Variants in XKR9 observed in about 807,000 individuals in gnomAD.
The protein encoded by XKR9 is XK-related protein 9.
A neutral mutation model predicts 32.0 loss-of-function variants in XKR9; 32 were observed. The observed-to-expected ratio is 1.00, with a 90% CI of 0.76 to 1.34. XKR9 has a LOEUF of 1.34. Ranked by LOEUF, XKR9 falls within the 40% of genes most tolerant of loss-of-function variation. The pLI is 0.00. For missense variants in XKR9, 546 were observed against 429.7 expected, an observed-to-expected ratio of 1.27 and a Z score of -2.39; for synonymous variants, 168 against 143.4, an observed-to-expected ratio of 1.17 and a Z score of -1.22.
the XKR9 span, among the ~76,000 whole-genome samples, chr8:70,990,325 G>C: frequency 6.6e-6 from 1 of 152,100 alleles, no homozygotes; most frequent in East Asian, 1.9e-4. Context: ...TCACATCCCA[G>C]GACTGCTCCC....
chr8:70,885,439 G>A, the XKR9 span, among the ~76,000 whole-genome samples: 978 of 152,222 alleles, frequency 6.4e-3, 19 homozygotes, highest in African/African-American at 0.022. Context: ...TGGGATACAT[G>A]TGCTGAAAGT....
the XKR9 span, among the ~76,000 whole-genome samples, chr8:70,913,072 G>C: frequency 2.0e-5 from 3 of 152,108 alleles, no homozygotes; most frequent in Admixed American, 6.6e-5. Flanking sequence ...GTTTTCCAAG[G>C]ATTAATGGAA....
At chr8:71,063,532 GA>G in the XKR9 span, among the ~76,000 whole-genome samples, 3 of 149,446 alleles carry the variant, frequency 2.0e-5, no homozygotes, top group South Asian at 4.2e-4. Flanking sequence ...TCATCTTGGG[GA>G]AAAAAATTCA....
the XKR9 span, among the ~76,000 whole-genome samples, chr8:70,810,629 G>A: frequency 6.6e-6 from 1 of 152,018 alleles, no homozygotes; most frequent in South Asian, 2.1e-4. Context: ...AAAAAGGCAG[G>A]GGTTGTAATC....
the XKR9 span, among the ~76,000 whole-genome samples, chr8:70,858,070 C>T: frequency 4.1e-4 from 63 of 152,254 alleles, no homozygotes; most frequent in African/African-American, 1.4e-3. Context: ...CAGGGATGCC[C>T]TCTCTCACCA....
At chr8:70,700,953 A>G (rs998717326) in intron 3 of XKR9, among the ~76,000 whole-genome samples, 7 of 152,184 alleles carry the variant, frequency 4.6e-5, no homozygotes. Context: ...TGTGCTAGCA[A>G]TCAGCGAGAC....
chr8:70,699,189 G>T (rs1300408343), intron 3 of XKR9, among the ~76,000 whole-genome samples: 1 of 152,156 alleles, frequency 6.6e-6, no homozygotes. Flanking sequence ...TACGTTTAAA[G>T]TTAATATTGT....
downstream of XKR9, among the ~76,000 whole-genome samples, chr8:70,736,630 G>C (rs559059896): frequency 6.6e-6 from 1 of 152,024 alleles, no homozygotes; most frequent in African/African-American, 2.4e-5. Context: ...AATCCATCTT[G>C]AATTAACTTT....
chr8:70,764,384 G>A (rs565129437), intron 2 of XKR9, among the ~76,000 whole-genome samples: 1 of 152,188 alleles, frequency 6.6e-6, no homozygotes, highest in African/African-American at 2.4e-5. Context: ...CTTCAGCTTG[G>A]AGAGGGTAGG....
At chr8:70,823,319 T>C in the XKR9 span, among the ~76,000 whole-genome samples, 4 of 152,224 alleles carry the variant, frequency 2.6e-5, no homozygotes, top group Non-Finnish European at 5.9e-5. Flanking sequence ...CAAGATTTTA[T>C]AGCTATGGCT....
At chr8:70,848,839 A>G in the XKR9 span, among the ~76,000 whole-genome samples, 2 of 151,998 alleles carry the variant, frequency 1.3e-5, no homozygotes, top group African/African-American at 4.8e-5. Context: ...AACAAAAACC[A>G]AAAAACACAA....
At chr8:70,719,026 G>A (rs147633584) in intron 4 of XKR9, among the ~76,000 whole-genome samples, 92 of 152,162 alleles carry the variant, frequency 6.0e-4, no homozygotes, top group African/African-American at 2.1e-3. Context: ...GTGTGAGTTG[G>A]TATCTCATTG....
the XKR9 span, among the ~76,000 whole-genome samples, chr8:70,804,303 A>T: frequency 6.6e-6 from 1 of 152,256 alleles, no homozygotes; most frequent in African/African-American, 2.4e-5. Context: ...CCTTCCACTG[A>T]GTTCACAGAG....
chr8:70,719,287 G>A (rs1563446039), intron 4 of XKR9, among the ~76,000 whole-genome samples: 1 of 152,004 alleles, frequency 6.6e-6, no homozygotes, highest in South Asian at 2.1e-4. Context: ...TTCTTTTGCT[G>A]TGCAGAGCCT....
chr8:70,928,360 A>G, the XKR9 span, among the ~76,000 whole-genome samples: 7 of 152,092 alleles, frequency 4.6e-5, no homozygotes, highest in African/African-American at 1.2e-4. Flanking sequence ...CCAGGTTTTT[A>G]TTAGGACATT....
At chr8:71,036,124 T>G in the XKR9 span, among the ~76,000 whole-genome samples, 1 of 152,334 alleles carries the variant, frequency 6.6e-6, no homozygotes, top group South Asian at 2.1e-4. Flanking sequence ...CCATGTAAAC[T>G]TATATGAAAT....
At chr8:70,744,956 G>T (rs1372725964) in intron 2 of XKR9, among the ~76,000 whole-genome samples, 1 of 150,190 alleles carries the variant, frequency 6.7e-6, no homozygotes, top group Non-Finnish European at 1.5e-5. Context: ...TAGCCTAAAT[G>T]TTTTTCAGCT....
the XKR9 span, among the ~76,000 whole-genome samples, chr8:70,893,628 C>T: frequency 6.6e-6 from 1 of 152,204 alleles, no homozygotes; most frequent in Non-Finnish European, 1.5e-5. Context: ...TTTGCAATAA[C>T]TGTGGGTCCC....
At chr8:70,884,189 A>G in the XKR9 span, among the ~76,000 whole-genome samples, 1 of 152,048 alleles carries the variant, frequency 6.6e-6, no homozygotes, top group African/African-American at 2.4e-5. Flanking sequence ...ATCTTTGGTG[A>G]TGTGTTTTTT....
Sources: allele counts gnomAD v4.1 joint callset (sites outside exome capture counted in the v4.1 genomes callset), GRCh38; gene constraint gnomAD v4.1.1; transcripts MANE v1.5; gene names NCBI Gene and HGNC (gene_info 2026-07-23, HGNC 2026-07-21).